The following PTPRN2 variants were observed in gnomAD, a reference collection of about 807,000 sequenced individuals.
PTPRN2 encodes the protein receptor-type tyrosine-protein phosphatase N2.
In PTPRN2, 74 loss-of-function variants were observed where a neutral mutation model predicts 118.8. The ratio of observed to expected loss-of-function variants is 0.62; its 90% confidence interval spans 0.52 to 0.76. PTPRN2 has a LOEUF of 0.76. PTPRN2 is among the 30% of genes least tolerant of loss of function. The probability of loss-of-function intolerance (pLI) is 0.00; values close to 1 mark genes in which losing one functional copy is unlikely to be tolerated. For synonymous variants in PTPRN2, 641 were observed against 608.0 expected, an observed-to-expected ratio of 1.05 and a Z score of -0.80; for missense variants, 1,481 against 1,394.4, an observed-to-expected ratio of 1.06 and a Z score of -0.99.
chr7:158,250,525 C>G (rs541235476), intron 3 of PTPRN2, among the ~76,000 whole-genome samples: 2 of 151,974 alleles, frequency 1.3e-5, no homozygotes, highest in Non-Finnish European at 2.9e-5. Flanking sequence ...ATGTACACAC[C>G]CATGTACACA....
At chr7:158,471,122 C>T (rs1819820368) in intron 2 of PTPRN2, among the ~76,000 whole-genome samples, 1 of 152,198 alleles carries the variant, frequency 6.6e-6, no homozygotes, top group Non-Finnish European at 1.5e-5. Context: ...TGTCCAACCT[C>T]ACAGTGCTCT....
chr7:158,164,135 ACCCTGG>A (rs1173180077), intron 6 of PTPRN2, among the ~76,000 whole-genome samples: 1 of 152,194 alleles, frequency 6.6e-6, no homozygotes, highest in Non-Finnish European at 1.5e-5. Flanking sequence ...GAAGATCCAC[ACCCTGG>A]GGTGTGGGAG....
chr7:158,325,125 T>C (rs1019236855), intron 2 of PTPRN2, among the ~76,000 whole-genome samples: 68 of 122,686 alleles, frequency 5.5e-4, no homozygotes, highest in Non-Finnish European at 1.1e-3. Context: ...CAGGGGGTCC[T>C]CCAGTCCCCA....
At chr7:157,891,219 A>G (rs1311318120) in intron 12 of PTPRN2, among the ~76,000 whole-genome samples, 2 of 152,152 alleles carry the variant, frequency 1.3e-5, no homozygotes, top group African/African-American at 2.4e-5. Context: ...TCTGCATTCA[A>G]TGTCCAGGCT....
intron 3 of PTPRN2, among the ~76,000 whole-genome samples, chr7:158,214,677 A>C (rs560923585): frequency 6.6e-6 from 1 of 152,218 alleles, no homozygotes; most frequent in East Asian, 1.9e-4. Flanking sequence ...CAGAACTTTC[A>C]TCTCCATTGG....
rs117076576 is a variant in PTPRN2 at position 158,186,460 on chromosome 7, T to C, written c.549+5867A>G. Among the ~76,000 whole-genome samples, 1,337 of 152,274 alleles carry C rather than the reference T, an allele frequency of 8.8e-3. 19 individuals carry two copies. Among genetic ancestry groups the C allele is most frequent in the East Asian group, 0.06 (311 of 5,170 alleles). Reference sequence around the variant, plus strand: ...GTCCATCGTACACCTGCAGGAGGTGTCTCCTGGTCGTCCCCCAAGGCCGTC... The same window carrying C: ...GTCCATCGTACACCTGCAGGAGGTGCCTCCTGGTCGTCCCCCAAGGCCGTC... On this transcript the variant is annotated intron_variant, in intron 5 of 22. Coordinates refer to ENST00000389418, the MANE Select transcript of PTPRN2 (RefSeq NM_002847.5).
intron 10 of PTPRN2, among the ~76,000 whole-genome samples, chr7:158,092,766 T>C (rs1356322136): frequency 6.6e-6 from 1 of 152,186 alleles, no homozygotes; most frequent in Non-Finnish European, 1.5e-5. Flanking sequence ...AAGAGCTCAC[T>C]ACACACAGTA....
At chr7:158,432,544 C>T (rs1816294765) in intron 2 of PTPRN2, among the ~76,000 whole-genome samples, 1 of 152,226 alleles carries the variant, frequency 6.6e-6, no homozygotes, top group African/African-American at 2.4e-5. Context: ...CGAAGGTTTT[C>T]TGAGACTATC....
At chr7:158,381,057 TTTCC>T (rs1314813873) in intron 2 of PTPRN2, among the ~76,000 whole-genome samples, 5 of 152,222 alleles carry the variant, frequency 3.3e-5, no homozygotes, top group Non-Finnish European at 7.3e-5. Context: ...AAAACCACTT[TTTCC>T]TCCTGGGCCT....
At chr7:158,149,332 C>T (rs1057237683) in intron 6 of PTPRN2, among the ~76,000 whole-genome samples, 6 of 152,070 alleles carry the variant, frequency 3.9e-5, no homozygotes, top group African/African-American at 1.2e-4. Context: ...CTATATTTAA[C>T]CCCTGGAAAT....
intron 11 of PTPRN2, among the ~76,000 whole-genome samples, chr7:158,069,386 A>C (rs971242972): frequency 6.6e-6 from 1 of 152,176 alleles, no homozygotes; most frequent in African/African-American, 2.4e-5. Flanking sequence ...ATTTTTGTGG[A>C]GATGGGGTCT....
Position 158,309,096 on chromosome 7 carries a change from TAAAG to T in PTPRN2, c.277+7719_277+7722del, listed in dbSNP as rs1801506243. Among the ~76,000 whole-genome samples the T allele has an allele frequency of 3.9e-5, 6 of 152,216 alleles. 1 individual carries two copies. Among genetic ancestry groups the T allele is most frequent in the Admixed American group, 6.5e-5 (1 of 15,288 alleles). ...TTCTTTCACAGTCTTCCAAAAAAAA[TAAAG>T]AAAGAATACTCTTCAATTAACTTGA... is the stretch of plus-strand genomic sequence containing the variant. On this transcript the variant is annotated intron_variant, in intron 3 of 22. Coordinates refer to ENST00000389418, the MANE Select transcript of PTPRN2 (RefSeq NM_002847.5).
intron 11 of PTPRN2, among the ~76,000 whole-genome samples, chr7:157,911,401 C>T (rs963952294): frequency 6.6e-6 from 1 of 152,172 alleles, no homozygotes; most frequent in East Asian, 1.9e-4. Flanking sequence ...ACTAGATGTG[C>T]ACCTACTGAC....
At chr7:157,882,970 T>C (rs1050862604) in intron 12 of PTPRN2, among the ~76,000 whole-genome samples, 1 of 147,808 alleles carries the variant, frequency 6.8e-6, no homozygotes, top group African/African-American at 2.5e-5. Context: ...AAAACGACTG[T>C]TGGAGAACAG....
chr7:157,835,457 C>T (rs1006819403), intron 12 of PTPRN2, among the ~76,000 whole-genome samples: 1 of 152,188 alleles, frequency 6.6e-6, no homozygotes, highest in South Asian at 2.1e-4. Context: ...CCGCAAAGCT[C>T]TTCGAGAATC....
At chr7:158,545,369 C>T (rs911544111) in intron 1 of PTPRN2, among the ~76,000 whole-genome samples, 13 of 152,202 alleles carry the variant, frequency 8.5e-5, no homozygotes, top group Non-Finnish European at 1.5e-4. Flanking sequence ...AGGCCACATG[C>T]GTTCCTCAGC....
At chr7:157,989,220 C>G (rs889945042) in intron 11 of PTPRN2, among the ~76,000 whole-genome samples, 1 of 152,070 alleles carries the variant, frequency 6.6e-6, no homozygotes, top group Non-Finnish European at 1.5e-5. Flanking sequence ...GAGTTTGAGA[C>G]CAGCCTGGGC....
At chr7:157,686,948 A>ATT (rs1042089503) in intron 12 of PTPRN2, among the ~76,000 whole-genome samples, 16 of 152,208 alleles carry the variant, frequency 1.1e-4, no homozygotes, top group Admixed American at 3.3e-4. Flanking sequence ...CTATCTTGAG[A>ATT]ATAAGATGAA....
intron 2 of PTPRN2, among the ~76,000 whole-genome samples, chr7:158,404,688 TCAGCTCCCGGGCCTC>T: frequency 2.1e-5 from 2 of 95,720 alleles, no homozygotes; most frequent in Middle Eastern, 8.9e-3. Context: ...CTCCTTGGCC[TCAGCTCCCGGGCCTC>T]CAGCTCCCCG....
Sources: allele counts gnomAD v4.1 joint callset (sites outside exome capture counted in the v4.1 genomes callset), GRCh38; gene constraint gnomAD v4.1.1; transcripts MANE v1.5; gene names NCBI Gene and HGNC (gene_info 2026-07-23, HGNC 2026-07-21).